The following GAS2 variants were observed in gnomAD, a reference collection of about 807,000 sequenced individuals.
GAS2 encodes growth arrest specific 2, also known as growth arrest-specific protein 2.
A neutral mutation model predicts 37.5 loss-of-function variants in GAS2; 20 were observed. The observed-to-expected ratio is 0.53, with a 90% CI of 0.37 to 0.77. The LOEUF (loss-of-function observed/expected upper bound fraction) is 0.77, where lower values mean the gene tolerates loss of function less well. Ranked by LOEUF, GAS2 falls within the 30% of genes least tolerant of loss-of-function variation. The pLI is 0.00. For synonymous variants in GAS2, 144 were observed against 132.2 expected (o/e 1.09, Z -0.61); for missense variants, 336 against 373.4 (o/e 0.90, Z 0.82).
chr11:22,664,713 G>A (rs978057673), upstream of GAS2, among the ~76,000 whole-genome samples: 7 of 151,996 alleles, frequency 4.6e-5, no homozygotes, highest in Non-Finnish European at 1.0e-4. Flanking sequence ...GATTATCTTT[G>A]ACAAATATAT....
At chr11:22,748,921 T>C (rs945003971) in intron 5 of GAS2, among the ~76,000 whole-genome samples, 199 bp from the exon 6 acceptor site, 5 of 152,188 alleles carry the variant, frequency 3.3e-5, no homozygotes, top group African/African-American at 1.2e-4. Flanking sequence ...CACGTATGCA[T>C]ACACAGCAGG....
At chr11:22,653,831 CAT>C (rs905766819) in intron 1 of GAS2, among the ~76,000 whole-genome samples, 6 of 152,252 alleles carry the variant, frequency 3.9e-5, no homozygotes, top group African/African-American at 1.2e-4. Flanking sequence ...TAATAAAAGA[CAT>C]GTGTTGTGGC....
chr11:22,780,444 G>A (rs1478684701), intron 7 of GAS2, among the ~76,000 whole-genome samples: 5 of 149,758 alleles, frequency 3.3e-5, no homozygotes, highest in African/African-American at 9.8e-5. Flanking sequence ...GCAGTGAGCC[G>A]AAATCGTGCC....
chr11:22,660,018 A>G (rs190542876), intron 1 of GAS2, among the ~76,000 whole-genome samples: 7 of 152,280 alleles, frequency 4.6e-5, no homozygotes, highest in Admixed American at 4.6e-4. Flanking sequence ...GGAAATGAGC[A>G]TATGTTCAAA....
chr11:22,766,029 G>A (rs1322058872), intron 7 of GAS2, among the ~76,000 whole-genome samples: 1 of 152,154 alleles, frequency 6.6e-6, no homozygotes, highest in Non-Finnish European at 1.5e-5. Flanking sequence ...CAGTGCGAGA[G>A]CTCACTTATC....
intron 5 of GAS2, among the ~76,000 whole-genome samples, chr11:22,748,806 T>C (rs1853556846): frequency 6.6e-6 from 1 of 152,136 alleles, no homozygotes; most frequent in Admixed American, 6.6e-5. Context: ...TAAATGTGAA[T>C]GCTGAAGACC....
chr11:22,742,803 TTG>T (rs912509518), intron 5 of GAS2, among the ~76,000 whole-genome samples: 5 of 152,110 alleles, frequency 3.3e-5, no homozygotes, highest in African/African-American at 1.2e-4. Flanking sequence ...TTATTTCACT[TTG>T]TAAAAAAATT....
At chr11:22,731,045 G>T (rs11827004) in intron 4 of GAS2, among the ~76,000 whole-genome samples, 1,614 of 151,778 alleles carry the variant, frequency 0.011, 23 homozygotes, top group African/African-American at 0.037. Context: ...TGAAATTGAT[G>T]CTTTTATGTC....
At chr11:22,790,115 C>T (rs1856070651) in intron 7 of GAS2, among the ~76,000 whole-genome samples, 1 of 152,170 alleles carries the variant, frequency 6.6e-6, no homozygotes, top group Admixed American at 6.5e-5. Context: ...GGCATGATCT[C>T]CATCTGTGAA....
At chr11:22,645,518 T>C (rs566640418) in intron 1 of GAS2, among the ~76,000 whole-genome samples, 9 of 151,206 alleles carry the variant, frequency 6.0e-5, no homozygotes, top group South Asian at 2.1e-4. Context: ...TATATATATA[T>C]ATACACACAC....
intron 3 of GAS2, among the ~76,000 whole-genome samples, chr11:22,695,137 T>A: frequency 6.6e-6 from 1 of 151,936 alleles, no homozygotes; most frequent in East Asian, 1.9e-4. Context: ...CTGGCCAACA[T>A]GGTAAAACGC....
intron 5 of GAS2, among the ~76,000 whole-genome samples, chr11:22,739,995 G>A (rs191804102): frequency 4.6e-5 from 7 of 151,932 alleles, no homozygotes; most frequent in Non-Finnish European, 8.8e-5. Flanking sequence ...AAATGAGCAC[G>A]GTGATTAGGG....
chr11:22,700,394 A>G (rs1445424138), intron 3 of GAS2, among the ~76,000 whole-genome samples: 2 of 152,148 alleles, frequency 1.3e-5, no homozygotes, highest in Non-Finnish European at 2.9e-5. Context: ...CTTAGCTCAA[A>G]AGCCTTTGAT....
In GAS2 at chr11:22,731,710, T is replaced by C. The variant is rs181538884; in HGVS notation, c.409+5277T>C. On this transcript the variant is annotated intron_variant, in intron 4 of 7. Coordinates refer to ENST00000454584, the MANE Select transcript of GAS2 (RefSeq NM_001143830.3). ...TCTATGCCTGCCTTTAAGTGTTTGA[T>C]AAATCATTCCTTATTCTTGTTTTTG... 6.1e-3 allele frequency among the ~76,000 whole-genome samples: 933 copies of C among 151,926 alleles called. 9 individuals carry two copies. The highest frequency in any genetic ancestry group is 0.021 in the African/African-American group (887 of 41,514).
upstream of GAS2, among the ~76,000 whole-genome samples, chr11:22,662,652 G>A (rs1277984321): frequency 2.0e-5 from 3 of 151,458 alleles, no homozygotes; most frequent in South Asian, 4.2e-4. Context: ...AAGAAAGAAA[G>A]AAAACTTAAA....
intron 7 of GAS2, among the ~76,000 whole-genome samples, chr11:22,774,669 A>T (rs555717651): frequency 6.6e-6 from 1 of 152,378 alleles, no homozygotes; most frequent in East Asian, 1.9e-4. Context: ...TCAACTTAAC[A>T]GCAGAGTTAA....
chr11:22,794,978 C>T (rs1338271726), intron 7 of GAS2, among the ~76,000 whole-genome samples: 4 of 152,106 alleles, frequency 2.6e-5, no homozygotes, highest in Non-Finnish European at 5.9e-5. Context: ...GTAATTCATT[C>T]ATCCAACATA....
intron 1 of GAS2, among the ~76,000 whole-genome samples, chr11:22,674,593 A>G (rs1029261283): frequency 6.6e-6 from 1 of 152,154 alleles, no homozygotes; most frequent in East Asian, 1.9e-4. Context: ...TTCCAAGTAT[A>G]TTGTTTCATA....
At chr11:22,731,794 G>C (rs999068903) in intron 4 of GAS2, among the ~76,000 whole-genome samples, 3 of 151,610 alleles carry the variant, frequency 2.0e-5, no homozygotes, top group African/African-American at 7.3e-5. Context: ...ACTTTTATGA[G>C]TATTAATTTA....
Sources: gnomAD v4.1 joint callset for allele counts (sites outside exome capture counted in the v4.1 genomes callset) on GRCh38, gnomAD v4.1.1 for gene constraint, MANE v1.5 for transcripts, NCBI Gene and HGNC (gene_info 2026-07-23, HGNC 2026-07-21) for gene names.